The following DENND1B variants were observed in gnomAD, a reference collection of about 807,000 sequenced individuals.
DENND1B encodes the protein DENN domain containing 1B.
A neutral mutation model predicts 90.1 loss-of-function variants in DENND1B; 59 were observed. The ratio of observed to expected loss-of-function variants is 0.65; its 90% CI spans 0.53 to 0.81. The LOEUF (loss-of-function observed/expected upper bound fraction) is 0.81, where lower values mean the gene tolerates loss of function less well. DENND1B is among the 40% of genes least tolerant of loss of function. DENND1B has a pLI of 0.00. For synonymous variants in DENND1B, 337 were observed against 324.6 expected (o/e 1.04, Z -0.41); for missense variants, 862 against 912.6 (o/e 0.94, Z 0.71).
chr1:197,645,110 G>C (rs549702250), intron 9 of DENND1B, among the ~76,000 whole-genome samples: 1 of 152,036 alleles, frequency 6.6e-6, no homozygotes, highest in South Asian at 2.1e-4. Flanking sequence ...AGTATGGCTA[G>C]AATTAGGACT....
intron 11 of DENND1B, among the ~76,000 whole-genome samples, chr1:197,612,533 A>T (rs1677275340): frequency 6.6e-6 from 1 of 150,668 alleles, no homozygotes; most frequent in African/African-American, 2.4e-5. Flanking sequence ...AACTGGATGT[A>T]CAAAAGGAAA....
At chr1:197,555,150 T>C (rs1419779801) in intron 15 of DENND1B, among the ~76,000 whole-genome samples, 1 of 150,914 alleles carries the variant, frequency 6.6e-6, no homozygotes, top group East Asian at 2.0e-4. Context: ...GAAACTGGAG[T>C]CTTACATCTC....
intron 15 of DENND1B, among the ~76,000 whole-genome samples, chr1:197,565,565 T>C (rs1312299947): frequency 1.3e-5 from 2 of 151,764 alleles, no homozygotes; most frequent in African/African-American, 4.8e-5. Flanking sequence ...TGCATACAAG[T>C]GCCATGCTGG....
intron 2 of DENND1B, among the ~76,000 whole-genome samples, chr1:197,751,117 A>G (rs1256565208): frequency 6.6e-6 from 1 of 152,230 alleles, no homozygotes. Flanking sequence ...AATACATCCA[A>G]CAACTGCAGA....
At chr1:197,640,352 A>C (rs1025603871) in intron 10 of DENND1B, among the ~76,000 whole-genome samples, 1 of 151,544 alleles carries the variant, frequency 6.6e-6, no homozygotes, top group Admixed American at 6.6e-5. Context: ...AGGCGCCTGT[A>C]CTCCTAGCTA....
chr1:197,730,103 A>G (rs1662018787), intron 2 of DENND1B, among the ~76,000 whole-genome samples: 1 of 152,190 alleles, frequency 6.6e-6, no homozygotes, highest in Admixed American at 6.5e-5. Context: ...AGATTAAAAT[A>G]ATGTTTTTAT....
chr1:197,556,903 T>C lies in DENND1B; in HGVS notation c.1150-3791A>G, dbSNP rs538185747. Among the ~76,000 whole-genome samples, 80 of 152,070 alleles carry C rather than the reference T, an allele frequency of 5.3e-4. 2 individuals carry two copies. The South Asian group carries it at 0.016, about 30-fold the overall frequency. ...GGGAAGGATCACTGTCTTTCACATG[T>C]ATGCATCTTCAATACCTGGCAAAAT... On this transcript the variant is annotated intron_variant, in intron 15 of 22. Transcript: ENST00000620048.
At chr1:197,698,095 C>T (rs1658631230) in intron 3 of DENND1B, among the ~76,000 whole-genome samples, 1 of 152,112 alleles carries the variant, frequency 6.6e-6, no homozygotes, top group African/African-American at 2.4e-5. Context: ...GAACTGTCTA[C>T]CCCAAATCAA....
chr1:197,744,079 T>A (rs568909516), intron 2 of DENND1B, among the ~76,000 whole-genome samples: 3 of 152,324 alleles, frequency 2.0e-5, no homozygotes, highest in African/African-American at 7.2e-5. Flanking sequence ...ATCCACCACA[T>A]CTGTGTTACT....
chr1:197,756,202 A>G (rs1654264211), intron 2 of DENND1B, among the ~76,000 whole-genome samples: 1 of 152,196 alleles, frequency 6.6e-6, no homozygotes, highest in African/African-American at 2.4e-5. Flanking sequence ...GAATTAATAC[A>G]TTCACCTGTT....
At chr1:197,683,140 T>C (rs1175140089) in intron 3 of DENND1B, among the ~76,000 whole-genome samples, 1 of 152,100 alleles carries the variant, frequency 6.6e-6, no homozygotes, top group Non-Finnish European at 1.5e-5. Context: ...ACAAGGTATC[T>C]TGAAAAGAAT....
At chr1:197,721,953 T>C (rs1041260403) in intron 2 of DENND1B, among the ~76,000 whole-genome samples, 1 of 152,146 alleles carries the variant, frequency 6.6e-6, no homozygotes, top group Admixed American at 6.5e-5. Flanking sequence ...ACACAAGATA[T>C]ACTGCCTATT....
At chr1:197,564,580 T>C (rs549348849) in intron 15 of DENND1B, among the ~76,000 whole-genome samples, 7 of 152,062 alleles carry the variant, frequency 4.6e-5, no homozygotes, top group African/African-American at 1.7e-4. Flanking sequence ...AACAAAAAAC[T>C]TTGTGTAATT....
At chr1:197,762,326 G>A (rs1029918619) in intron 2 of DENND1B, among the ~76,000 whole-genome samples, 2 of 151,912 alleles carry the variant, frequency 1.3e-5, no homozygotes, top group African/African-American at 4.8e-5. Flanking sequence ...GAGTGCAGTG[G>A]CACAATCTTG....
intron 12 of DENND1B, among the ~76,000 whole-genome samples, chr1:197,609,961 A>C (rs1283164848): frequency 6.6e-6 from 1 of 150,682 alleles, no homozygotes; most frequent in Non-Finnish European, 1.5e-5. Context: ...AAAAGCTAGA[A>C]ATTTTAGTGA....
intron 3 of DENND1B, among the ~76,000 whole-genome samples, chr1:197,698,864 G>T (rs1214495666): frequency 6.6e-6 from 1 of 152,086 alleles, no homozygotes. Context: ...AAACCACGAA[G>T]AAGTCGAATC....
intron 20 of DENND1B, among the ~76,000 whole-genome samples, chr1:197,523,950 AT>A (rs11320663): frequency 0.95 from 144,733 of 151,676 alleles, 69,415 homozygotes; most frequent in East Asian, 1. Context: ...AATGGAATCT[AT>A]TTTTTTTTTA....
chr1:197,577,421 G>C (rs577768265), intron 15 of DENND1B, among the ~76,000 whole-genome samples: 1 of 152,128 alleles, frequency 6.6e-6, no homozygotes, highest in Non-Finnish European at 1.5e-5. Context: ...TTCTGCCATG[G>C]GGGGCACTCT....
At chr1:197,577,870 T>C (rs1673826436) in intron 15 of DENND1B, among the ~76,000 whole-genome samples, 1 of 152,190 alleles carries the variant, frequency 6.6e-6, no homozygotes, top group Admixed American at 6.5e-5. Context: ...AGTGATCTTT[T>C]ACTCTAACTC....
Sources: gnomAD v4.1 joint callset for allele counts (sites outside exome capture counted in the v4.1 genomes callset) on GRCh38, gnomAD v4.1.1 for gene constraint, MANE v1.5 for transcripts, NCBI Gene and HGNC (gene_info 2026-07-23, HGNC 2026-07-21) for gene names.